The following CFAP299 variants were observed in gnomAD, a reference collection of about 807,000 sequenced individuals.
CFAP299 encodes cilia and flagella associated protein 299.
Under a neutral mutation model 27.0 loss-of-function variants are expected in CFAP299, and 21 were observed. The ratio of observed to expected loss-of-function variants is 0.78; its 90% CI spans 0.55 to 1.12. CFAP299 has a LOEUF of 1.12. Ranked by LOEUF, CFAP299 falls within the 50% of genes most tolerant of loss-of-function variation. The pLI, the probability that CFAP299 is intolerant of heterozygous loss-of-function variation, is 0.00. For synonymous variants in CFAP299, 104 were observed against 98.1 expected (o/e 1.06, Z -0.36); for missense variants, 310 against 276.6 (o/e 1.12, Z -0.86).
chr4:80,763,088 G>T (rs1725631548), intron 3 of CFAP299, among the ~76,000 whole-genome samples: 1 of 151,970 alleles, frequency 6.6e-6, no homozygotes, highest in Non-Finnish European at 1.5e-5. Flanking sequence ...GAGTGAGCTA[G>T]AAATAATCTG....
intron 1 of CFAP299, among the ~76,000 whole-genome samples, chr4:80,345,090 T>C (rs1234977640): frequency 6.6e-6 from 1 of 152,116 alleles, no homozygotes; most frequent in Non-Finnish European, 1.5e-5. Flanking sequence ...GACAAGGATG[T>C]CCTCTCTCTC....
chr4:80,447,559 C>A (rs1034750520), intron 2 of CFAP299, among the ~76,000 whole-genome samples: 21 of 152,172 alleles, frequency 1.4e-4, no homozygotes, highest in Admixed American at 1.1e-3. Flanking sequence ...CAGCTTGTAG[C>A]GGTTCCCCTG....
chr4:80,690,662 A>C (rs1457864156), intron 3 of CFAP299, among the ~76,000 whole-genome samples: 1 of 152,222 alleles, frequency 6.6e-6, no homozygotes, highest in African/African-American at 2.4e-5. Context: ...ACACATTCAA[A>C]AGCTAACAGA....
At chr4:80,861,718 T>G (rs6841342) in intron 3 of CFAP299, among the ~76,000 whole-genome samples, 2 of 152,136 alleles carry the variant, frequency 1.3e-5, no homozygotes, top group Admixed American at 1.3e-4. Flanking sequence ...TTCTAGAAAT[T>G]TATTTTACAC....
chr4:80,850,587 A>G lies in CFAP299; in HGVS notation c.334-19406A>G, dbSNP rs145295893. Among the ~76,000 whole-genome samples the G allele has an allele frequency of 1.8e-3, 277 of 152,178 alleles. 1 individual carries two copies. The highest frequency in any genetic ancestry group is 6.4e-3 in the African/African-American group (267 of 41,564). The stretch of plus-strand genomic sequence containing the variant: ...TTAAATACCTTACACAAAAGGAATT[A>G]TATGTAAGGGAGAGGTGAGAGTGGT... On this transcript the variant is annotated intron_variant, in intron 3 of 5. Transcript: ENST00000358105.
rs1351459208 is a variant in CFAP299, at chr4:80,741,804, AC to A, written c.334-128187del. Among the ~76,000 whole-genome samples, 3 of 152,048 alleles carry A rather than the reference AC, an allele frequency of 2.0e-5. No individual in the cohort carries two copies. The East Asian group carries it at 5.8e-4, about 29-fold the overall frequency. ...GTGTCCTAGACTGCCTTTCCAGTTT[AC>A]CTAAGAGACCAGAGCAATTCAGCCT... On this transcript the variant is annotated intron_variant, in intron 3 of 5. Transcript: ENST00000358105.
intron 4 of CFAP299, among the ~76,000 whole-genome samples, chr4:80,911,655 T>C (rs1735479172): frequency 6.6e-6 from 1 of 152,314 alleles, no homozygotes. Context: ...AATCTCATTA[T>C]GACTTTCATG....
At chr4:80,442,171 A>T (rs550120630) in intron 2 of CFAP299, among the ~76,000 whole-genome samples, 24 of 152,328 alleles carry the variant, frequency 1.6e-4, no homozygotes, top group African/African-American at 5.5e-4. Context: ...ATTAACAAGG[A>T]TATTCAGGAC....
intron 1 of CFAP299, among the ~76,000 whole-genome samples, chr4:80,347,448 A>T (rs1722790054): frequency 1.3e-5 from 2 of 152,158 alleles, no homozygotes; most frequent in African/African-American, 4.8e-5. Flanking sequence ...AGGATACAAA[A>T]GCAATGTGCA....
At chr4:80,787,235 A>AT (rs1553959857) in intron 3 of CFAP299, among the ~76,000 whole-genome samples, 237 of 147,796 alleles carry the variant, frequency 1.6e-3, no homozygotes, top group South Asian at 3.4e-3. Flanking sequence ...TATAAAACAT[A>AT]ATATATATAT....
intron 1 of CFAP299, among the ~76,000 whole-genome samples, chr4:80,358,964 T>G (rs1046283026): frequency 6.6e-6 from 1 of 152,210 alleles, no homozygotes; most frequent in Non-Finnish European, 1.5e-5. Flanking sequence ...TAATGGTCTT[T>G]CCTTTCCATA....
chr4:80,682,015 G>T (rs1490327021), intron 3 of CFAP299, among the ~76,000 whole-genome samples: 1 of 152,158 alleles, frequency 6.6e-6, no homozygotes, highest in Admixed American at 6.5e-5. Context: ...GGATACATGT[G>T]AAGAAGAAAG....
intron 3 of CFAP299, among the ~76,000 whole-genome samples, chr4:80,813,993 T>C (rs1426519119): frequency 2.6e-5 from 4 of 152,058 alleles, no homozygotes. Flanking sequence ...TAAATTATGT[T>C]TTAAAGAGTT....
chr4:80,740,272 G>A (rs72661730), intron 3 of CFAP299, among the ~76,000 whole-genome samples: 23,738 of 152,160 alleles, frequency 0.16, 2,774 homozygotes, highest in Non-Finnish European at 0.23. Context: ...AGTCTTTGCT[G>A]TCTGAGCTTG....
chr4:80,873,756 A>G (rs1733232555), intron 4 of CFAP299, among the ~76,000 whole-genome samples: 1 of 152,206 alleles, frequency 6.6e-6, no homozygotes, highest in South Asian at 2.1e-4. Flanking sequence ...CTCCGCATAT[A>G]TTTGCATACA....
chr4:80,503,048 T>A (rs1326840865), intron 2 of CFAP299, among the ~76,000 whole-genome samples: 1 of 152,152 alleles, frequency 6.6e-6, no homozygotes, highest in Non-Finnish European at 1.5e-5. Flanking sequence ...AATAATGTTA[T>A]CGAGAGGCAG....
chr4:80,524,236 C>G (rs1414132530), intron 2 of CFAP299, among the ~76,000 whole-genome samples: 1 of 152,036 alleles, frequency 6.6e-6, no homozygotes, highest in Non-Finnish European at 1.5e-5. Flanking sequence ...TTTAAGTCAT[C>G]TTGTGTTTTT....
chr4:80,936,801 AT>A (rs1005114904), intron 4 of CFAP299, among the ~76,000 whole-genome samples: 14 of 152,316 alleles, frequency 9.2e-5, no homozygotes, highest in African/African-American at 2.4e-4. Flanking sequence ...AAATAAAAAA[AT>A]AAAAAATAAA....
chr4:80,458,989 A>G (rs1279041223), intron 2 of CFAP299, among the ~76,000 whole-genome samples: 1 of 151,786 alleles, frequency 6.6e-6, no homozygotes, highest in Admixed American at 6.6e-5. Flanking sequence ...TTTTTAATGA[A>G]TATCTTTTAG....
Sources: gnomAD v4.1 joint callset for allele counts (sites outside exome capture counted in the v4.1 genomes callset) on GRCh38, gnomAD v4.1.1 for gene constraint, MANE v1.5 for transcripts, NCBI Gene and HGNC (gene_info 2026-07-23, HGNC 2026-07-21) for gene names.